CAB39: variants seen among roughly 807,000 people sequenced by gnomAD.
CAB39 encodes the protein calcium binding protein 39.
In CAB39, 8 loss-of-function variants were observed where a neutral mutation model predicts 40.0. The ratio of observed to expected loss-of-function variants is 0.20; its 90% CI spans 0.12 to 0.36. CAB39 has a LOEUF of 0.36. CAB39 is among the 10% of genes least tolerant of loss of function. CAB39 has a pLI of 1.00. For synonymous variants in CAB39, 156 were observed against 141.6 expected (o/e 1.10, Z -0.72); for missense variants, 270 against 401.1 (o/e 0.67, Z 2.79).
intron 1 of CAB39, among the ~76,000 whole-genome samples, chr2:230,714,962 T>A: frequency 6.6e-6 from 1 of 152,230 alleles, no homozygotes; most frequent in East Asian, 1.9e-4. Context: ...TAATACATGA[T>A]CTTTGTCAAA....
chr2:230,758,287 AG>A (rs1376955189), intron 1 of CAB39, among the ~76,000 whole-genome samples: 1 of 144,416 alleles, frequency 6.9e-6, no homozygotes, highest in Non-Finnish European at 1.5e-5. Flanking sequence ...TGGGTGACAC[AG>A]CGAGACTCCA....
rs77139467 is a variant in CAB39 at position 230,773,820 on chromosome 2, A to G, written c.114+13705A>G. Among the ~76,000 whole-genome samples the G allele has an allele frequency of 5.8e-4, 88 of 152,318 alleles. 1 individual carries two copies. In the East Asian group the frequency reaches 0.015, roughly 26 times the overall value. On this transcript the variant is annotated intron_variant, in intron 2 of 8. Coordinates refer to ENST00000258418, the MANE Select transcript of CAB39 (RefSeq NM_016289.4). ...CAGACCCATGAGTGGAAATAAAACA[A>G]GAAGTCCAATTTTGTCTTGATATTA...
chr2:230,761,301 A>G (rs1193730701), intron 2 of CAB39, among the ~76,000 whole-genome samples: 3 of 152,202 alleles, frequency 2.0e-5, no homozygotes, highest in East Asian at 3.8e-4. Context: ...CTGTGGCATC[A>G]TCATCATTCC....
intron 6 of CAB39, among the ~76,000 whole-genome samples, chr2:230,811,777 A>G (rs1696310416): frequency 1.3e-5 from 2 of 152,254 alleles, no homozygotes; most frequent in Non-Finnish European, 2.9e-5. Context: ...TAGTTCATTT[A>G]TCATCACCAC....
intron 4 of CAB39, among the ~76,000 whole-genome samples, chr2:230,795,168 C>A (rs1240416549): frequency 6.6e-6 from 1 of 151,478 alleles, no homozygotes; most frequent in Admixed American, 6.6e-5. Context: ...CCCAGCTATT[C>A]GGGAGGCTGA....
rs539088506 is a variant in CAB39 at position 230,748,101 on chromosome 2, C to T, written c.-43-11858C>T. Among the ~76,000 whole-genome samples the T allele has an allele frequency of 1.5e-3, 234 of 151,498 alleles. 1 individual carries two copies. Among genetic ancestry groups the T allele is most frequent in the Non-Finnish European group, 3.0e-3 (205 of 67,868 alleles). On this transcript the variant is annotated intron_variant, in intron 1 of 8. Transcript: ENST00000258418. Reference sequence around the variant, plus strand: ...TATGAGGCTCTTATTATTTAAGTCTCTGCTGTCTTTTTTTTTTTTCCTTTT... The same window carrying T: ...TATGAGGCTCTTATTATTTAAGTCTTTGCTGTCTTTTTTTTTTTTCCTTTT...
chr2:230,764,409 G>T (rs769482943), intron 2 of CAB39, among the ~76,000 whole-genome samples: 1 of 152,164 alleles, frequency 6.6e-6, no homozygotes, highest in Non-Finnish European at 1.5e-5. Flanking sequence ...TGTGAGTTGG[G>T]TGTGTAGTAC....
chr2:230,769,698 G>T (rs1418524640), intron 2 of CAB39, among the ~76,000 whole-genome samples: 1 of 152,112 alleles, frequency 6.6e-6, no homozygotes, highest in African/African-American at 2.4e-5. Flanking sequence ...GTAGTTTGAG[G>T]CTGGACATAG....
chr2:230,733,399 G>A (rs1383855644), intron 1 of CAB39, among the ~76,000 whole-genome samples: 3 of 152,040 alleles, frequency 2.0e-5, no homozygotes, highest in Admixed American at 6.6e-5. Flanking sequence ...TGATTCTCAG[G>A]TGTTGCTTCT....
intron 1 of CAB39, among the ~76,000 whole-genome samples, chr2:230,752,818 A>G (rs1422542261): frequency 6.6e-6 from 1 of 152,240 alleles, no homozygotes; most frequent in Non-Finnish European, 1.5e-5. Flanking sequence ...AGTTGAGTAA[A>G]GTTTGCTGTG....
intron 1 of CAB39, among the ~76,000 whole-genome samples, chr2:230,737,887 A>G (rs1187247180): frequency 6.6e-6 from 1 of 152,224 alleles, no homozygotes; most frequent in Non-Finnish European, 1.5e-5. Flanking sequence ...GCACCACTCC[A>G]TAAAGTGTGG....
At chr2:230,804,360 A>C (rs944450043) in intron 5 of CAB39, among the ~76,000 whole-genome samples, 4 of 152,348 alleles carry the variant, frequency 2.6e-5, no homozygotes, top group African/African-American at 9.6e-5. Flanking sequence ...CATGACTAAA[A>C]TACCAAAAGC....
intron 1 of CAB39, among the ~76,000 whole-genome samples, chr2:230,738,741 C>T (rs1694828348): frequency 6.6e-6 from 1 of 152,204 alleles, no homozygotes; most frequent in Admixed American, 6.5e-5. Flanking sequence ...GGTTTTGTGG[C>T]ATGTTTGTGC....
At chr2:230,760,140 T>A (rs1378739080) in intron 2 of CAB39, 25 bp downstream of exon 2, 1 of 1,397,402 alleles carries the variant, frequency 7.2e-7, no homozygotes, top group Admixed American at 1.7e-5. Context: ...TTATTTATAT[T>A]TGAAATATCT....
intron 1 of CAB39, among the ~76,000 whole-genome samples, chr2:230,753,422 T>G (rs894515469): frequency 2.6e-4 from 39 of 152,196 alleles, no homozygotes; most frequent in African/African-American, 9.2e-4. Flanking sequence ...ACATTAATAC[T>G]TTTGGCTTAG....
intron 1 of CAB39, among the ~76,000 whole-genome samples, chr2:230,759,015 A>G (rs1168517525): frequency 6.6e-6 from 1 of 152,124 alleles, no homozygotes; most frequent in East Asian, 1.9e-4. Flanking sequence ...GGATGATGTA[A>G]TACTGTGGTT....
chr2:230,735,035 T>C (rs981247795), intron 1 of CAB39, among the ~76,000 whole-genome samples: 1 of 152,188 alleles, frequency 6.6e-6, no homozygotes, highest in African/African-American at 2.4e-5. Flanking sequence ...TTGTTTTTCA[T>C]TTACATTGTG....
chr2:230,729,368 T>G (rs753857264), intron 1 of CAB39, among the ~76,000 whole-genome samples: 11 of 152,212 alleles, frequency 7.2e-5, no homozygotes, highest in Non-Finnish European at 1.6e-4. Context: ...AAGACTTAAC[T>G]ATTGGAAACT....
At chr2:230,754,337 TTCC>T (rs372214171) in intron 1 of CAB39, among the ~76,000 whole-genome samples, 117 of 88,302 alleles carry the variant, frequency 1.3e-3, no homozygotes, top group African/African-American at 3.0e-3. Flanking sequence ...TTCTTCTTCC[TTCC>T]TCTTCTTCCT....
Sources: gnomAD v4.1 joint callset for allele counts (sites outside exome capture counted in the v4.1 genomes callset) on GRCh38, gnomAD v4.1.1 for gene constraint, MANE v1.5 for transcripts, NCBI Gene and HGNC (gene_info 2026-07-23, HGNC 2026-07-21) for gene names.